The following SEMA6D variants were observed in gnomAD, a reference collection of about 807,000 sequenced individuals.
SEMA6D encodes the protein semaphorin 6D, also known as semaphorin-6D.
A neutral mutation model predicts 106.6 loss-of-function variants in SEMA6D; 35 were observed. That is an observed-to-expected ratio of 0.33 (90% CI 0.25 to 0.44). The LOEUF (loss-of-function observed/expected upper bound fraction) is 0.44. Among genes scored for constraint, SEMA6D ranks in the 20% least tolerant of loss-of-function variants. The probability of loss-of-function intolerance (pLI) is 1.00; values close to 1 mark genes in which losing one functional copy is unlikely to be tolerated. For synonymous variants in SEMA6D, 499 were observed against 487.7 expected (o/e 1.02, Z -0.31); for missense variants, 1,185 against 1,345.9 (o/e 0.88, Z 1.87).
intron 1 of SEMA6D, among the ~76,000 whole-genome samples, chr15:47,272,132 A>G (rs1386156882): frequency 1.3e-5 from 2 of 152,194 alleles, no homozygotes; most frequent in Non-Finnish European, 2.9e-5. Context: ...GATGAGCTAG[A>G]AAGGAGAGAG....
intron 1 of SEMA6D, among the ~76,000 whole-genome samples, chr15:47,372,624 T>C (rs1363791022): frequency 6.6e-6 from 1 of 152,186 alleles, no homozygotes; most frequent in Non-Finnish European, 1.5e-5. Context: ...CTCTTTCCCA[T>C]GATTAGGTAA....
chr15:47,249,142 C>T (rs146182961), intron 1 of SEMA6D, among the ~76,000 whole-genome samples: 3,824 of 152,188 alleles, frequency 0.025, 165 homozygotes, highest in African/African-American at 0.088. Flanking sequence ...GCAGGAGAAT[C>T]GCCTGAGCAC....
intron 1 of SEMA6D, among the ~76,000 whole-genome samples, chr15:47,308,320 C>A (rs1333350231): frequency 6.6e-6 from 1 of 152,002 alleles, no homozygotes; most frequent in East Asian, 1.9e-4. Context: ...CCTTATATGC[C>A]AAATGGGAAT....
intron 4 of SEMA6D, among the ~76,000 whole-genome samples, chr15:47,689,724 C>G (rs915790223): frequency 1.2e-4 from 18 of 152,216 alleles, no homozygotes; most frequent in Admixed American, 2.6e-4. Context: ...GATGCCCTGC[C>G]AACACACTGA....
chr15:47,419,158 A>G (rs1482633462), intron 2 of SEMA6D, among the ~76,000 whole-genome samples: 2 of 152,154 alleles, frequency 1.3e-5, no homozygotes, highest in Non-Finnish European at 2.9e-5. Flanking sequence ...TTAGGGTGTT[A>G]GAAGGAGTGA....
chr15:47,442,742 T>C (rs1309209301), intron 2 of SEMA6D, among the ~76,000 whole-genome samples: 1 of 152,168 alleles, frequency 6.6e-6, no homozygotes, highest in Non-Finnish European at 1.5e-5. Flanking sequence ...GCATTTGCCA[T>C]GGTCTTTCTG....
chr15:47,262,693 A>G (rs2034134665), intron 1 of SEMA6D, among the ~76,000 whole-genome samples: 1 of 152,092 alleles, frequency 6.6e-6, no homozygotes, highest in African/African-American at 2.4e-5. Flanking sequence ...ACTGGAGAAA[A>G]CTATTTTAAA....
At chr15:47,185,232 C>T (rs1308722952) in intron 1 of SEMA6D, among the ~76,000 whole-genome samples, 2 of 152,170 alleles carry the variant, frequency 1.3e-5, no homozygotes, top group Non-Finnish European at 2.9e-5. Context: ...AAAAGGCTTG[C>T]CCATTTTAGA....
At chr15:47,356,385 T>G (rs956164291) in intron 1 of SEMA6D, among the ~76,000 whole-genome samples, 1 of 151,982 alleles carries the variant, frequency 6.6e-6, no homozygotes, top group African/African-American at 2.4e-5. Context: ...CTTTAAAACA[T>G]GAGAAGTGCC....
chr15:47,244,659 C>G (rs752686915), intron 1 of SEMA6D, among the ~76,000 whole-genome samples: 5 of 152,158 alleles, frequency 3.3e-5, no homozygotes, highest in Non-Finnish European at 7.4e-5. Flanking sequence ...AGGCACTGAA[C>G]CTGCCTGCCT....
rs371565155 is a variant in SEMA6D at position 47,300,177 on chromosome 15, TTCC to T, written c.-238-112207_-238-112205del. Among the ~76,000 whole-genome samples, 363 of 152,288 alleles carry T rather than the reference TTCC, an allele frequency of 2.4e-3. 3 individuals are homozygous for T. The highest frequency in any genetic ancestry group is 8.2e-3 in the African/African-American group (339 of 41,566). ...CCCTCCGCAGCTCAGCTGCTGTGCT[TTCC>T]TCCTCCTCACGCTGAGGGCTTTCTG... is the stretch of plus-strand genomic sequence containing the variant. On this transcript the variant is annotated intron_variant, in intron 1 of 19. Transcript: ENST00000558014.
intron 3 of SEMA6D, among the ~76,000 whole-genome samples, chr15:47,485,175 G>A (rs149840125): frequency 0.017 from 2,619 of 152,168 alleles, 32 homozygotes; most frequent in Middle Eastern, 0.024. Context: ...ATGACTAAAC[G>A]AATTATTATA....
chr15:47,632,119 T>G (rs1237225555), intron 4 of SEMA6D, among the ~76,000 whole-genome samples: 1 of 151,942 alleles, frequency 6.6e-6, no homozygotes, highest in Non-Finnish European at 1.5e-5. Flanking sequence ...TTTTGTTTTT[T>G]AGATTTTTGT....
chr15:47,338,864 C>T (rs2037684765), intron 1 of SEMA6D, among the ~76,000 whole-genome samples: 1 of 152,124 alleles, frequency 6.6e-6, no homozygotes, highest in South Asian at 2.1e-4. Flanking sequence ...AGGCAGGATT[C>T]TAATCTGATT....
upstream of SEMA6D, among the ~76,000 whole-genome samples, chr15:47,713,979 T>G (rs1190343104): frequency 1.3e-5 from 2 of 152,206 alleles, no homozygotes; most frequent in Non-Finnish European, 2.9e-5. Context: ...ATTCAGTGCT[T>G]GCTTTGTTCC....
intron 3 of SEMA6D, among the ~76,000 whole-genome samples, chr15:47,483,096 G>A (rs2043199178): frequency 6.6e-6 from 1 of 152,126 alleles, no homozygotes; most frequent in Non-Finnish European, 1.5e-5. Context: ...GTTAGAAAAT[G>A]TATAATAGAA....
In SEMA6D at chr15:47,218,868, C is replaced by T. The variant is rs74013750; in HGVS notation, c.-239+34450C>T. Among the ~76,000 whole-genome samples, 640 of 152,302 alleles carry T rather than the reference C, an allele frequency of 4.2e-3. 5 individuals are homozygous for T. Among genetic ancestry groups the T allele is most frequent in the African/African-American group, 0.015 (616 of 41,568 alleles). On this transcript the variant is annotated intron_variant, in intron 1 of 19. Transcript: ENST00000558014. ...GCTCAGGGAGGTTAAGTAACATAGA[C>T]AAGGTCATGTAGCTTGTTAAGTGGC...
At position 47,575,553 on chromosome 15, in the gene SEMA6D, A is replaced by G. The variant is rs149607925; in HGVS notation, c.-86-25312A>G. 3.3e-3 allele frequency among the ~76,000 whole-genome samples: 505 copies of G among 152,226 alleles called. 3 individuals carry two copies. Among genetic ancestry groups the G allele is most frequent in the African/African-American group, 0.012 (488 of 41,538 alleles). On this transcript the variant is annotated intron_variant, in intron 3 of 19. Coordinates refer to the SEMA6D transcript ENST00000558014. ...GCTAACACAATGAAACCCCGTCTCTATTGAAACTACAGAAAATTAGCTGGG... is the reference window on the plus strand; with the variant it reads ...GCTAACACAATGAAACCCCGTCTCTGTTGAAACTACAGAAAATTAGCTGGG...
chr15:47,517,188 G>A (rs2044416039), intron 3 of SEMA6D, among the ~76,000 whole-genome samples: 1 of 152,168 alleles, frequency 6.6e-6, no homozygotes, highest in Non-Finnish European at 1.5e-5. Context: ...CTGAGAGGCA[G>A]TTGTATGGCT....
Sources: allele counts gnomAD v4.1 joint callset (sites outside exome capture counted in the v4.1 genomes callset), GRCh38; gene constraint gnomAD v4.1.1; transcripts MANE v1.5; gene names NCBI Gene and HGNC (gene_info 2026-07-23, HGNC 2026-07-21).